Variants in KDM6B observed in about 807,000 individuals in gnomAD.
KDM6B encodes lysine-specific demethylase 6B.
A neutral mutation model predicts 150.4 loss-of-function variants in KDM6B; 22 were observed. The ratio of observed to expected loss-of-function variants is 0.15; its 90% CI spans 0.10 to 0.21. The LOEUF (loss-of-function observed/expected upper bound fraction) is 0.21. Ranked by LOEUF, KDM6B falls within the 10% of genes least tolerant of loss-of-function variation. The probability of loss-of-function intolerance (pLI) is 1.00; values close to 1 mark genes in which losing one functional copy is unlikely to be tolerated. For missense variants in KDM6B, 1,984 were observed against 2,234.3 expected (o/e 0.89, Z 2.26); for synonymous variants, 1,148 against 921.1 (o/e 1.25, Z -4.46).
chr17:7,853,669 T>C lies in KDM6B; in HGVS notation c.*148T>C. The C allele has an allele frequency of 2.3e-6, 1 of 440,006 alleles. No homozygotes were observed. Among genetic ancestry groups the C allele is most frequent in the East Asian group, 4.4e-5 (1 of 22,894 alleles). The allele number at this position is 440,006 out of a possible 1,614,324, so 27.3% of individuals were successfully genotyped here. On this transcript the variant is annotated 3_prime_UTR_variant, in exon 24 of 24. Coordinates refer to ENST00000448097, the MANE Select transcript of KDM6B (RefSeq NM_001348716.2). ...CATTGGCAGCTCCCCTCACTTAATTTATTAAGAAAAACTTTTTTTTTTTTT... is the reference window on the plus strand; with the variant it reads ...CATTGGCAGCTCCCCTCACTTAATTCATTAAGAAAAACTTTTTTTTTTTTT...
chr17:7,845,443 C>A lies in KDM6B; in HGVS notation c.-19C>A, dbSNP rs1597832445. 3 of 1,341,010 alleles carry A rather than the reference C, an allele frequency of 2.2e-6. No homozygotes were observed. Among genetic ancestry groups the A allele is most frequent in the Middle Eastern group, 2.3e-4 (1 of 4,340 alleles). 83.1% of individuals were successfully genotyped at this position (1,341,010 alleles called of 1,614,324 possible). On this transcript the variant is annotated 5_prime_UTR_variant, in exon 4 of 24. Coordinates refer to ENST00000448097, the MANE Select transcript of KDM6B (RefSeq NM_001348716.2). ...TGCCCAATCTCCAGGGCTCCTGGGG[C>A]CACTGCTGACCTGGTAAGGGAAACT...
chr17:7,852,474 G>GGCCCGCAGCCAACAGT, intron 20 of KDM6B, 21 bp from the exon 21 acceptor site: 1 of 1,605,494 alleles, frequency 6.2e-7, no homozygotes, highest in Non-Finnish European at 8.5e-7. Flanking sequence ...GAGTCCTGTT[G>GGCCCGCAGCCAACAGT]TGATCGCCTT....
Position 7,850,063 on chromosome 17 carries a change from ATGTC to A in KDM6B, c.3568-7_3568-4del. ...GGCTCTGACCCCAGCTCTCCTGGTC[ATGTC>A]TCAGCTGGAGAGCAAACGGGATGCC... On this transcript the variant is annotated splice_region_variant and splice_polypyrimidine_tract_variant and intron_variant, in intron 13 of 23. Coordinates refer to ENST00000448097, the MANE Select transcript of KDM6B (RefSeq NM_001348716.2). 6.2e-7 allele frequency: 1 copy of A among 1,613,718 alleles called. No individual in the cohort carries two copies. The highest frequency in any genetic ancestry group is 8.5e-7 in the Non-Finnish European group (1 of 1,179,920).
In KDM6B at chr17:7,848,505, C is replaced by G. The variant is rs1165706285; in HGVS notation, c.2217C>G (p.Asp739Glu). 1.7e-5 allele frequency: 28 copies of G among 1,611,778 alleles called. No individual in the cohort carries two copies. The highest frequency in any genetic ancestry group is 2.0e-5 in the Non-Finnish European group (24 of 1,179,882). The stretch of plus-strand genomic sequence containing the variant: ...CTCTGCAGTCTCCTTTCCCCACCGA[C>G]ACAGCCCCCACCACTACTGCTCCTG... ...FASLQSPFPT[D>E]TAPTTTAPAV... Residue 739 changes from aspartate to glutamate, a missense_variant, in exon 12 of 24, where the codon GAC becomes GAG. Asp to Glu is a conservative substitution (Grantham distance 45). Around this residue, in one of 13 missense-constraint regions of KDM6B, gnomAD observed 1,379 missense variants for 1,275.6 expected, o/e 1.08. Coordinates refer to ENST00000448097, the MANE Select transcript of KDM6B (RefSeq NM_001348716.2).
rs777190980 is a variant in KDM6B at position 7,848,456 on chromosome 17, C to G, written c.2168C>G (p.Pro723Arg). The stretch of plus-strand genomic sequence containing the variant: ...CACGAAGCAGGCGTGGCCCCCCAAC[C>G]CCCGCTGAAGGAGCCCTTTGCATCT... The part of the protein sequence containing the change: ...QQHEAGVAPQ[P>R]PLKEPFASLQ... The change falls in exon 12 of 24, where the codon CCC becomes CGC. Residue 723 changes from proline (P) to arginine (R), a missense_variant. This residue lies in a region of KDM6B where 1,379 missense variants were observed against 1,275.6 expected (regional missense o/e 1.08). Coordinates refer to ENST00000448097, the MANE Select transcript of KDM6B (RefSeq NM_001348716.2). The G allele has an allele frequency of 1.1e-5, 18 of 1,612,304 alleles. No individual in the cohort carries two copies. The highest frequency in any genetic ancestry group is 2.2e-5 in the South Asian group (2 of 91,068).
chr17:7,849,799 T>G (rs932298369), intron 12 of KDM6B, 22 bp from the exon 13 acceptor site: 8 of 1,612,752 alleles, frequency 5.0e-6, no homozygotes, highest in Non-Finnish European at 6.8e-6. Context: ...GTTTCTGTCT[T>G]CATTCCACTG....
At chr17:7,852,897 C>T in intron 21 of KDM6B, 103 bp from the exon 22 acceptor site, 1 of 1,524,340 alleles carries the variant, frequency 6.6e-7, no homozygotes, top group Non-Finnish European at 9.1e-7. Context: ...GGGGAGGCCC[C>T]TAGGGGAGGG....
chr17:7,848,966 T>TG lies in KDM6B; in HGVS notation c.2679dup (p.Thr894AspfsTer17). The TG allele has an allele frequency of 3.3e-6, 5 of 1,496,998 alleles. No individual in the cohort carries two copies. The highest frequency in any genetic ancestry group is 4.5e-6 in the Non-Finnish European group (5 of 1,108,084). The allele number at this position is 1,496,998 out of a possible 1,614,324, so 92.7% of individuals were successfully genotyped here. The stretch of plus-strand genomic sequence containing the variant: ...GGCGAAGAGCCAGTCCCGGGCCCCA[T>TG]GACCCCCACCCAACCGCCCCCACCC... On this transcript the variant is annotated frameshift_variant, in exon 12 of 24. Coordinates refer to ENST00000448097, the MANE Select transcript of KDM6B (RefSeq NM_001348716.2). LOFTEE classifies it high-confidence loss of function.
rs1275877125 is a variant in KDM6B, at chr17:7,848,725, G to A, written c.2437G>A (p.Gly813Arg). The A allele has an allele frequency of 8.1e-6, 13 of 1,612,764 alleles. No individual in the cohort carries two copies. The highest frequency in any genetic ancestry group is 1.1e-5 in the Non-Finnish European group (13 of 1,179,984). The change falls in exon 12 of 24, where the codon GGA (glycine) becomes AGA (arginine). Residue 813 changes from glycine (G) to arginine (R), a missense_variant. By Grantham distance (125) the Gly-to-Arg change is moderately radical. This residue lies in a region of KDM6B where 1,379 missense variants were observed against 1,275.6 expected (regional missense o/e 1.08). Transcript: ENST00000448097. The part of the protein sequence containing the change: ...LLKSLASVLE[G>R]QKYCYRGTGA... ...CAAATCCTTGGCCTCCGTGCTGGAGGGACAAAAGTACTGTTATCGGGGGAC... is the reference window on the plus strand; with the variant it reads ...CAAATCCTTGGCCTCCGTGCTGGAGAGACAAAAGTACTGTTATCGGGGGAC...
chr17:7,846,370 T>TGGGCCGGGCCCGGG, intron 7 of KDM6B, 30 bp from the exon 8 acceptor site: 1 of 1,501,960 alleles, frequency 6.7e-7, no homozygotes, highest in Non-Finnish European at 9.1e-7. Flanking sequence ...ACCTGACATC[T>TGGGCCGGGCCCGGG]GCCCCTGCCC....
intron 14 of KDM6B, 88 bp downstream of exon 14, chr17:7,850,265 C>T (rs2078664870): frequency 9.2e-7 from 1 of 1,092,804 alleles, no homozygotes; most frequent in South Asian, 1.4e-5. Flanking sequence ...CTTGAAGACT[C>T]ATGACAGTGG....
Position 7,846,688 on chromosome 17 carries a change from A to T in KDM6B, c.659A>T (p.Glu220Val). The T allele has an allele frequency of 6.2e-7, 1 of 1,614,104 alleles. No individual in the cohort carries two copies. Among genetic ancestry groups the T allele is most frequent in the Non-Finnish European group, 8.5e-7 (1 of 1,179,976 alleles). The change falls in exon 9 of 24, where the codon GAG becomes GTG. Residue 220 changes from glutamate (E) to valine (V), a missense_variant. Physicochemically the swap from Glu to Val is moderately radical, Grantham distance 121 (BLOSUM62 -2). Transcript: ENST00000448097. ...GCAGCACTCTCAGGCCCCTCAGGGG[A>T]GGAGGGCCTCAGCCCTGGAGGCAAG... The part of the protein sequence containing the change: ...PPAALSGPSG[E>V]EGLSPGGKRR...
chr17:7,837,418 A>T (rs182560303), intron 1 of KDM6B, among the ~76,000 whole-genome samples: 50 of 152,344 alleles, frequency 3.3e-4, no homozygotes, highest in Middle Eastern at 3.4e-3. Context: ...TATTGTGTGT[A>T]TGCGGGTGAA....
intron 3 of KDM6B, 140 bp from the exon 4 acceptor site, chr17:7,845,174 C>A: frequency 2.7e-6 from 1 of 366,932 alleles, no homozygotes; most frequent in Non-Finnish European, 5.3e-6. Flanking sequence ...GTGGTTGGGC[C>A]GGGCCTCCCT....
In KDM6B at chr17:7,848,349, A is replaced by G; in HGVS notation, c.2061A>G (p.Glu687=). Residue 687 remains glutamate, a synonymous_variant, in exon 12 of 24, where the codon GAA becomes GAG. Transcript: ENST00000448097. ...PLEDQFEEPA[E]FKILPDGLAN... is the part of the protein sequence containing the mutation. Reference sequence around the variant, plus strand: ...AGGACCAGTTTGAGGAGCCAGCCGAATTCAAGATCCTACCTGATGGGCTGG... The same window carrying G: ...AGGACCAGTTTGAGGAGCCAGCCGAGTTCAAGATCCTACCTGATGGGCTGG... 2 of 1,612,946 alleles carry G rather than the reference A, an allele frequency of 1.2e-6. No individual in the cohort carries two copies. Among genetic ancestry groups the G allele is most frequent in the Non-Finnish European group, 1.7e-6 (2 of 1,180,004 alleles).
chr17:7,834,469 C>T (rs1305096101), intron 1 of KDM6B, among the ~76,000 whole-genome samples, 119 bp downstream of exon 1: 1 of 151,970 alleles, frequency 6.6e-6, no homozygotes, highest in African/African-American at 2.4e-5. Flanking sequence ...TTGGGAAGGG[C>T]ACTGGGAAGA....
At chr17:7,845,834 C>G in intron 5 of KDM6B, 38 bp from the exon 6 acceptor site, 2 of 1,599,456 alleles carry the variant, frequency 1.3e-6, no homozygotes, top group South Asian at 2.2e-5. Context: ...CAAGACTGCT[C>G]CTTTTTGCCG....
chr17:7,834,420 GTC>G (rs995562662), intron 1 of KDM6B, among the ~76,000 whole-genome samples, 70 bp downstream of exon 1: 1 of 152,132 alleles, frequency 6.6e-6, no homozygotes, highest in African/African-American at 2.4e-5. Context: ...GGACGCCTGA[GTC>G]TCTGGAGGGG....
intron 2 of KDM6B, among the ~76,000 whole-genome samples, chr17:7,842,590 C>A (rs576879767): frequency 9.9e-5 from 15 of 152,088 alleles, no homozygotes; most frequent in Admixed American, 9.8e-4. Context: ...GAGAGTGGAG[C>A]GCGAGCTGGC....
Sources: allele counts gnomAD v4.1 joint callset (sites outside exome capture counted in the v4.1 genomes callset), GRCh38; gene constraint gnomAD v4.1.1; regional missense constraint gnomAD v4.1.1; transcripts MANE v1.5; gene names NCBI Gene and HGNC (gene_info 2026-07-23, HGNC 2026-07-21).